Variants in ADGRG5 observed in about 807,000 individuals in gnomAD.
ADGRG5 encodes the protein adhesion G protein-coupled receptor G5, also known as G protein-coupled receptor 114.
A neutral mutation model predicts 53.2 loss-of-function variants in ADGRG5; 37 were observed. That is an observed-to-expected ratio of 0.70 (90% CI 0.53 to 0.91). The LOEUF (loss-of-function observed/expected upper bound fraction) is 0.91. Ranked by LOEUF, ADGRG5 falls within the 40% of genes least tolerant of loss-of-function variation. ADGRG5 has a pLI of 0.00. For missense variants in ADGRG5, 614 were observed against 675.8 expected (o/e 0.91, Z 1.01); for synonymous variants, 277 against 290.4 (o/e 0.95, Z 0.47).
intron 4 of ADGRG5, among the ~76,000 whole-genome samples, chr16:57,563,639 T>C (rs2033058548): frequency 6.6e-6 from 1 of 151,998 alleles, no homozygotes; most frequent in Non-Finnish European, 1.5e-5. Context: ...AGGGGTTCAG[T>C]GGGTCAGGTA....
chr16:57,564,397 C>T (rs2033081183), intron 5 of ADGRG5, among the ~76,000 whole-genome samples: 1 of 151,374 alleles, frequency 6.6e-6, no homozygotes, highest in Non-Finnish European at 1.5e-5. Flanking sequence ...GCAACCTCTG[C>T]CTCCTGGGTT....
the ADGRG5 span, among the ~76,000 whole-genome samples, chr16:57,536,238 A>C: frequency 7.3e-4 from 104 of 142,772 alleles, no homozygotes; most frequent in African/African-American, 2.6e-3. Flanking sequence ...GGGCCGCGGC[A>C]TTCCGGAGGC....
intron 5 of ADGRG5, among the ~76,000 whole-genome samples, chr16:57,564,684 G>T (rs2033086619): frequency 1.3e-5 from 2 of 152,130 alleles, no homozygotes; most frequent in South Asian, 4.1e-4. Flanking sequence ...GTGGGGTTGG[G>T]GCTCTTCCCA....
upstream of ADGRG5, among the ~76,000 whole-genome samples, chr16:57,539,665 C>T (rs1254099739): frequency 6.6e-6 from 1 of 151,184 alleles, no homozygotes; most frequent in African/African-American, 2.4e-5. Context: ...GTTTCCCAGG[C>T]TGGTCTCGAA....
upstream of ADGRG5, among the ~76,000 whole-genome samples, chr16:57,539,580 G>A (rs1422549086): frequency 1.3e-5 from 2 of 150,900 alleles, no homozygotes; most frequent in Non-Finnish European, 2.9e-5. Context: ...AGCCTCCTGA[G>A]TAGGTGGATC....
intron 9 of ADGRG5, 72 bp downstream of exon 9, chr16:57,568,196 C>G: frequency 6.8e-7 from 1 of 1,474,968 alleles, no homozygotes; most frequent in Non-Finnish European, 9.4e-7. Flanking sequence ...TTAGTCCTTT[C>G]TTTCCCCTCC....
At chr16:57,536,372 C>G in the ADGRG5 span, 4 of 152,294 alleles carry the variant, frequency 2.6e-5, no homozygotes, top group African/African-American at 4.8e-5. Context: ...CGCGGGCGCC[C>G]CGACTGTGTC....
chr16:57,562,957 T>C (rs2033038411), intron 3 of ADGRG5, 134 bp from the exon 4 acceptor site: 3 of 755,704 alleles, frequency 4.0e-6, no homozygotes, highest in Non-Finnish European at 6.8e-6. Flanking sequence ...GGACACTGTG[T>C]GTGCAGTGGT....
chr16:57,565,205 C>A, intron 6 of ADGRG5, 55 bp downstream of exon 6: 1 of 1,026,900 alleles, frequency 9.7e-7, no homozygotes, highest in Non-Finnish European at 1.5e-6. Context: ...TGTGACTCTC[C>A]TGTTGAACAC....
chr16:57,538,657 C>A (rs1441641402), upstream of ADGRG5, among the ~76,000 whole-genome samples: 3 of 152,200 alleles, frequency 2.0e-5, no homozygotes, highest in Admixed American at 6.5e-5. Flanking sequence ...TGGCGTCAAC[C>A]TCCCCAGTGG....
intron 10 of ADGRG5, among the ~76,000 whole-genome samples, chr16:57,572,503 C>A (rs2033390872): frequency 6.6e-6 from 1 of 151,276 alleles, no homozygotes; most frequent in Non-Finnish European, 1.5e-5. Context: ...CACATCCTGG[C>A]CAACATGGAG....
intron 1 of ADGRG5, among the ~76,000 whole-genome samples, chr16:57,554,799 C>G (rs746533413): frequency 6.6e-6 from 1 of 152,136 alleles, no homozygotes; most frequent in Non-Finnish European, 1.5e-5. Flanking sequence ...CTAATGTAAG[C>G]GTTTAATGCT....
chr16:57,556,009 C>T lies in ADGRG5; in HGVS notation c.-38-6047C>T, dbSNP rs558494944. ...TGTGAAGACATGCTTGCTTCCCCTTCGCCTCCCGCCATGATTGTAAGTTTC... is the reference window on the plus strand; with the variant it reads ...TGTGAAGACATGCTTGCTTCCCCTTTGCCTCCCGCCATGATTGTAAGTTTC... On this transcript the variant is annotated intron_variant, in intron 1 of 11. Coordinates refer to ENST00000349457, the MANE Select transcript of ADGRG5 (RefSeq NM_001304376.3). Among the ~76,000 whole-genome samples, 4 of 152,280 alleles carry T rather than the reference C, an allele frequency of 2.6e-5. No individual in the cohort carries two copies. The East Asian group carries it at 5.8e-4, about 22-fold the overall frequency.
the ADGRG5 span, among the ~76,000 whole-genome samples, chr16:57,537,147 G>A: frequency 6.6e-6 from 1 of 152,208 alleles, no homozygotes; most frequent in African/African-American, 2.4e-5. Context: ...GCATTGCGAT[G>A]GTGGTTGGCA....
intron 1 of ADGRG5, among the ~76,000 whole-genome samples, chr16:57,556,851 T>C (rs969354893): frequency 4.0e-5 from 6 of 151,870 alleles, no homozygotes; most frequent in African/African-American, 1.5e-4. Flanking sequence ...GCCAATCTGC[T>C]GGCAATGAAT....
chr16:57,546,936 T>A (rs1166866146), intron 1 of ADGRG5, among the ~76,000 whole-genome samples: 8 of 152,208 alleles, frequency 5.3e-5, no homozygotes, highest in Non-Finnish European at 1.2e-4. Context: ...GGTCTCCATC[T>A]CCTGGGCTCA....
intron 1 of ADGRG5, among the ~76,000 whole-genome samples, chr16:57,546,572 A>G (rs1202972123): frequency 1.3e-5 from 2 of 152,210 alleles, no homozygotes; most frequent in African/African-American, 4.8e-5. Context: ...GTCTTTTAAC[A>G]TTACATATGG....
chr16:57,531,054 G>C, the ADGRG5 span, among the ~76,000 whole-genome samples: 1 of 151,400 alleles, frequency 6.6e-6, no homozygotes, highest in Non-Finnish European at 1.5e-5. Flanking sequence ...GGCTGTCATC[G>C]GGCCCTGGGC....
chr16:57,530,659 G>A, the ADGRG5 span, among the ~76,000 whole-genome samples: 1 of 152,068 alleles, frequency 6.6e-6, no homozygotes, highest in Admixed American at 6.5e-5. Flanking sequence ...GCCCCTGAGA[G>A]GACAGAGGGG....
Sources: gnomAD v4.1 joint callset for allele counts (sites outside exome capture counted in the v4.1 genomes callset) on GRCh38, gnomAD v4.1.1 for gene constraint, MANE v1.5 for transcripts, NCBI Gene and HGNC (gene_info 2026-07-23, HGNC 2026-07-21) for gene names.